Variants in KLHL15 observed in about 807,000 individuals in gnomAD.
The protein encoded by KLHL15 is kelch like family member 15.
KLHL15 carries 1 observed loss-of-function variant against 29.3 expected under a neutral mutation model. The ratio of observed to expected loss-of-function variants is 0.03; its 90% CI spans 0.01 to 0.16. KLHL15 has a LOEUF of 0.16. Among genes scored for constraint, KLHL15 ranks in the 10% least tolerant of loss-of-function variants. The pLI is 1.00. For synonymous variants in KLHL15, 212 were observed against 184.5 expected, an observed-to-expected ratio of 1.15 and a Z score of -1.21; for missense variants, 215 against 478.5, an observed-to-expected ratio of 0.45 and a Z score of 5.14.
At chrX:24,000,966 C>T (rs1298554165) in intron 3 of KLHL15, among the ~76,000 whole-genome samples, 1 of 112,155 alleles carries the variant, frequency 8.9e-6, no homozygotes, top group East Asian at 2.8e-4. Context: ...TAAAAATGTA[C>T]CTCAATTTCA....
At chrX:23,997,263 G>C (rs1929209403) in intron 3 of KLHL15, among the ~76,000 whole-genome samples, 1 of 112,025 alleles carries the variant, frequency 8.9e-6, no homozygotes, top group African/African-American at 3.2e-5. Context: ...CAGTGCAATA[G>C]TAATAGAACA....
chrX:24,019,644 AACAC>A (rs200893692), intron 2 of KLHL15, among the ~76,000 whole-genome samples: 28 of 107,151 alleles, frequency 2.6e-4, no homozygotes, highest in Non-Finnish European at 4.3e-4. Context: ...GATAAGTGAC[AACAC>A]ACACACACAC....
intron 3 of KLHL15, among the ~76,000 whole-genome samples, chrX:23,999,361 C>T (rs1043541007): frequency 1.4e-4 from 15 of 107,373 alleles, no homozygotes; most frequent in African/African-American, 4.0e-4. Flanking sequence ...TTTGGGAGGC[C>T]GAGGCAGACG....
At position 23,986,712 on chromosome X, in the gene KLHL15, A is replaced by G. The variant is rs1170175379; in HGVS notation, c.*1209T>C. 6 of 112,453 alleles carry G rather than the reference A, an allele frequency of 5.3e-5. No individual in the cohort carries two copies. In the Admixed American group the frequency reaches 5.7e-4, roughly 11 times the overall value. 9.3% of individuals were successfully genotyped at this position (112,453 alleles called of 1,213,427 possible). On this transcript the variant is annotated 3_prime_UTR_variant, in exon 4 of 4. Transcript: ENST00000328046. ...CTGGGTATTTTGTACAAAATAAACAAGTAGATAAAACCAGTAACATTATAA... is the reference window on the plus strand; with the variant it reads ...CTGGGTATTTTGTACAAAATAAACAGGTAGATAAAACCAGTAACATTATAA...
At chrX:23,997,754 A>AAATTT (rs1555975594) in intron 3 of KLHL15, among the ~76,000 whole-genome samples, 27 of 67,180 alleles carry the variant, frequency 4.0e-4, no homozygotes, top group Admixed American at 5.2e-4. Context: ...AAAAAAAAAA[A>AAATTT]TTTTTTTTTT....
Position 24,006,870 on chromosome X carries a change from G to A in KLHL15, c.-7-170C>T, listed in dbSNP as rs140852864. Among the ~76,000 whole-genome samples, 428 of 111,648 alleles carry A rather than the reference G, an allele frequency of 3.8e-3. 3 individuals are homozygous for A. The highest frequency in any genetic ancestry group is 0.013 in the African/African-American group (411 of 30,770). On this transcript the variant is annotated intron_variant, in intron 2 of 3. Transcript: ENST00000328046. ...TAAAGGTTTGCAGACTAATATTTCT[G>A]GCTTCCCTATCTAAGGAAAAGAATC...
intron 2 of KLHL15, among the ~76,000 whole-genome samples, chrX:24,011,309 C>T (rs1929569832): frequency 9.7e-6 from 1 of 103,038 alleles, no homozygotes. Flanking sequence ...AGCTTGGGAC[C>T]AGCCTCGGCA....
At chrX:23,995,127 TAC>T (rs752598095) in intron 3 of KLHL15, among the ~76,000 whole-genome samples, 1 of 111,946 alleles carries the variant, frequency 8.9e-6, no homozygotes, top group East Asian at 2.8e-4. Context: ...CACGCATATA[TAC>T]ACACACACAA....
At chrX:24,009,098 C>A (rs935817603) in intron 2 of KLHL15, among the ~76,000 whole-genome samples, 2 of 111,486 alleles carry the variant, frequency 1.8e-5, no homozygotes, top group African/African-American at 6.5e-5. Flanking sequence ...GTGGCTCACA[C>A]CTGTAATCCC....
At chrX:24,025,651 A>G (rs1390492462) in intron 1 of KLHL15, among the ~76,000 whole-genome samples, 2 of 101,553 alleles carry the variant, frequency 2.0e-5, no homozygotes, top group Admixed American at 1.0e-4. Context: ...TCGAGCGCCA[A>G]TGCCGCCATC....
chrX:24,007,925 GAA>G (rs746122923), intron 2 of KLHL15, among the ~76,000 whole-genome samples: 7 of 96,138 alleles, frequency 7.3e-5, no homozygotes, highest in Non-Finnish European at 1.3e-4. Flanking sequence ...GATATTGTAT[GAA>G]AAAAAAAACA....
chrX:24,016,339 CAAAAAAAAAAA>C lies in KLHL15; in HGVS notation c.-8+8507_-8+8517del, dbSNP rs755683770. 3.2e-4 allele frequency among the ~76,000 whole-genome samples: 7 copies of C among 21,691 alleles called. No individual in the cohort carries two copies. In the Admixed American group the frequency reaches 4.0e-3, roughly 12 times the overall value. 18.8% of individuals were successfully genotyped at this position (21,691 alleles called of 115,157 possible). A position where few individuals can be genotyped will look rare whatever the true frequency, so the allele number is the denominator to read the frequency against. ...TGGGCGACAGAGCAAGACTCTGTCT[CAAAAAAAAAAA>C]AAAAAAAAAAAAAAAAAAGGGGGGG... On this transcript the variant is annotated intron_variant, in intron 2 of 3. Coordinates refer to ENST00000328046, the MANE Select transcript of KLHL15 (RefSeq NM_030624.3).
At position 23,984,884 on chromosome X, in the gene KLHL15, A is replaced by T. The variant is rs1342072948; in HGVS notation, c.*3037T>A. On this transcript the variant is annotated 3_prime_UTR_variant, in exon 4 of 4. Transcript: ENST00000328046. The stretch of plus-strand genomic sequence containing the variant: ...TTTAGAAAAGATAAGTGAAGGGCTC[A>T]GTCAGTATTTCACAAATTCTAGTAA... The T allele has an allele frequency of 1.8e-5, 2 of 112,425 alleles. No homozygotes were observed. Among genetic ancestry groups the T allele is most frequent in the Non-Finnish European group, 1.9e-5 (1 of 53,277 alleles). The allele number at this position is 112,425 out of a possible 1,213,427, so 9.3% of individuals were successfully genotyped here. A position where few individuals can be genotyped will look rare whatever the true frequency, so the allele number is the denominator to read the frequency against.
At position 24,009,757 on chromosome X, in the gene KLHL15, AGGAG is replaced by A. The variant is rs1462756035; in HGVS notation, c.-7-3061_-7-3058del. On this transcript the variant is annotated intron_variant, in intron 2 of 3. Transcript: ENST00000328046. ...GTAATTCCAACACTTTGGGAGGCTG[AGGAG>A]GGTGTATCACCTGAGGTCAGGAGTT... Among the ~76,000 whole-genome samples the A allele has an allele frequency of 7.6e-4, 80 of 104,770 alleles. 1 individual carries two copies. The highest frequency in any genetic ancestry group is 2.6e-3 in the African/African-American group (74 of 28,835). The allele number at this position is 104,770 out of a possible 115,157, so 91.0% of individuals were successfully genotyped here. A position where few individuals can be genotyped will look rare whatever the true frequency, so the allele number is the denominator to read the frequency against.
intron 3 of KLHL15, among the ~76,000 whole-genome samples, chrX:23,990,144 T>G (rs1019119686): frequency 5.4e-5 from 6 of 110,708 alleles, no homozygotes; most frequent in East Asian, 2.9e-4. Context: ...ACAAAATTAA[T>G]AAAATAAAAT....
chrX:24,023,622 TA>T (rs1421562241), intron 2 of KLHL15, among the ~76,000 whole-genome samples: 1 of 112,121 alleles, frequency 8.9e-6, no homozygotes, highest in Non-Finnish European at 1.9e-5. Context: ...GTTACACATA[TA>T]AATCCTGGCA....
chrX:24,002,016 C>T lies in KLHL15; in HGVS notation c.705+3973G>A, dbSNP rs770946698. On this transcript the variant is annotated intron_variant, in intron 3 of 3. Coordinates refer to ENST00000328046, the MANE Select transcript of KLHL15 (RefSeq NM_030624.3). ...GGCGTGGTGGCGGGCGCCTGTAGTC[C>T]CAGCTACTCGGGAGGCTGAGGCAGG... is the stretch of plus-strand genomic sequence containing the variant. 2.3e-4 allele frequency among the ~76,000 whole-genome samples: 25 copies of T among 107,743 alleles called. No homozygotes were observed. The East Asian group carries it at 6.6e-3, about 29-fold the overall frequency. 93.6% of individuals were successfully genotyped at this position (107,743 alleles called of 115,157 possible).
chrX:24,015,934 G>A (rs926369435), intron 2 of KLHL15, among the ~76,000 whole-genome samples: 2 of 110,962 alleles, frequency 1.8e-5, no homozygotes, highest in African/African-American at 3.3e-5. Flanking sequence ...GGGAGGCGGA[G>A]GTTGCAGTAA....
At chrX:24,022,768 G>A (rs1929839155) in intron 2 of KLHL15, among the ~76,000 whole-genome samples, 1 of 105,672 alleles carries the variant, frequency 9.5e-6, no homozygotes, top group African/African-American at 3.5e-5. Context: ...CGCCCAGGCT[G>A]GAGTGCAGTG....
Sources: allele counts gnomAD v4.1 joint callset (sites outside exome capture counted in the v4.1 genomes callset), GRCh38; gene constraint gnomAD v4.1.1; transcripts MANE v1.5; gene names NCBI Gene and HGNC (gene_info 2026-07-23, HGNC 2026-07-21).